Variants in PLEC observed in about 807,000 individuals in gnomAD.
The protein encoded by PLEC is plectin.
In PLEC, 216 loss-of-function variants were observed where a neutral mutation model predicts 392.8. The observed-to-expected ratio is 0.55, with a 90% CI of 0.49 to 0.62. The LOEUF (loss-of-function observed/expected upper bound fraction) is 0.62. Among genes scored for constraint, PLEC ranks in the 20% least tolerant of loss-of-function variants. The pLI is 0.00. For missense variants in PLEC, 6,863 were observed against 6,563.4 expected (o/e 1.05, Z -1.58); for synonymous variants, 3,621 against 2,980.6 (o/e 1.21, Z -7.00).
At position 143,973,508 on chromosome 8, in the gene PLEC, T is replaced by C. The variant is rs782359031; in HGVS notation, c.-36A>G. The C allele has an allele frequency of 1.5e-5, 20 of 1,366,572 alleles. No individual in the cohort carries two copies. Among genetic ancestry groups the C allele is most frequent in the Non-Finnish European group, 1.7e-5 (18 of 1,051,498 alleles). The allele number at this position is 1,366,572 out of a possible 1,614,324, so 84.7% of individuals were successfully genotyped here. ...GCGGGGCGCGGGGTGCAGCGGAGCC[T>C]CCAGCACCCGGCGGCCACTCTGTCC... On this transcript the variant is annotated 5_prime_UTR_variant, in exon 1 of 32. Transcript: ENST00000356346. This position sits in a 1 kb window ranked among gnomAD's most constrained non-coding sequence, Gnocchi z 5.6.
chr8:143,920,925 GCTC>G lies in PLEC; in HGVS notation c.8893_8895del (p.Glu2965del). 6.2e-7 allele frequency: 1 copy of G among 1,612,710 alleles called. No homozygotes were observed. Among genetic ancestry groups the G allele is most frequent in the Non-Finnish European group, 8.5e-7 (1 of 1,180,016 alleles). On this transcript the variant is annotated inframe_deletion, in exon 32 of 32. Coordinates refer to ENST00000345136, the MANE Select transcript of PLEC (RefSeq NM_201384.3). ...AAGCAAAGCCGGCCCTTCTGCTCCT[GCTC>G]CTCCACCACCGTGATGATGATCTTG...
At chr8:143,926,510 C>T (rs1274236328) in intron 30 of PLEC, among the ~76,000 whole-genome samples, 4 of 152,190 alleles carry the variant, frequency 2.6e-5, no homozygotes, top group South Asian at 2.1e-4. Flanking sequence ...GCCCACAGGA[C>T]GGCCGCTAGG....
rs1823635633 is a variant in PLEC, at chr8:143,923,408, G to A, written c.6521C>T (p.Ala2174Val). ...CGCCTTCTGCCGCAGCGTCTGCTCG[G>A]CGAATTTCTTATGCTTCTCCATCTC... is the stretch of plus-strand genomic sequence containing the variant. ...DAEMEKHKKFAEQTLRQKAQV... is the reference protein window; with the variant it reads ...DAEMEKHKKFVEQTLRQKAQV... Residue 2174 changes from alanine (A) to valine (V), a missense_variant, in exon 31 of 32, where the codon GCC becomes GTC. By Grantham distance (64) the Ala-to-Val change is moderately conservative. Coordinates refer to ENST00000345136, the MANE Select transcript of PLEC (RefSeq NM_201384.3). 4 of 1,610,628 alleles carry A rather than the reference G, an allele frequency of 2.5e-6. No individual in the cohort carries two copies. The highest frequency in any genetic ancestry group is 3.3e-5 in the Admixed American group (2 of 59,950).
Position 143,916,511 on chromosome 8 carries a change from C to T in PLEC, c.13310G>A (p.Cys4437Tyr), listed in dbSNP as rs11555241. The T allele has an allele frequency of 6.2e-7, 1 of 1,611,806 alleles. No individual in the cohort carries two copies. Among genetic ancestry groups the T allele is most frequent in the Non-Finnish European group, 8.5e-7 (1 of 1,179,446 alleles). ...GGAGATCTTGAGCTTGGTCTTAGGG[C>T]AGGTGAGGTACTTGGAGTAGGCGCC... The part of the protein sequence containing the change: ...DVGAYSKYLT[C>Y]PKTKLKISYK... The change falls in exon 32 of 32, where the codon TGC (cysteine) becomes TAC (tyrosine). Residue 4437 changes from cysteine to tyrosine, a missense_variant. Cys to Tyr is a radical substitution (Grantham distance 194, BLOSUM62 -2). Coordinates refer to ENST00000345136, the MANE Select transcript of PLEC (RefSeq NM_201384.3).
At chr8:143,946,636 G>T in intron 1 of PLEC, 1 of 302,830 alleles carries the variant, frequency 3.3e-6, no homozygotes, top group Non-Finnish European at 6.6e-6. Context: ...AGAGCCCTCC[G>T]GCCCCAGCCC....
Position 143,923,399 on chromosome 8 carries a change from G to A in PLEC, c.6530C>T (p.Thr2177Met), listed in dbSNP as rs1312954051. Residue 2177 changes from threonine (T) to methionine (M), a missense_variant, in exon 31 of 32, where the codon ACG becomes ATG. Physicochemically the swap from Thr to Met is moderately conservative, Grantham distance 81. Coordinates refer to ENST00000345136, the MANE Select transcript of PLEC (RefSeq NM_201384.3). ...MEKHKKFAEQTLRQKAQVEQE... is the reference protein window; with the variant it reads ...MEKHKKFAEQMLRQKAQVEQE... Reference sequence around the variant, plus strand: ...CTCCACCTGCGCCTTCTGCCGCAGCGTCTGCTCGGCGAATTTCTTATGCTT... The same window carrying A: ...CTCCACCTGCGCCTTCTGCCGCAGCATCTGCTCGGCGAATTTCTTATGCTT... The A allele has an allele frequency of 9.9e-6, 16 of 1,610,638 alleles. No individual in the cohort carries two copies. Among genetic ancestry groups the A allele is most frequent in the African/African-American group, 4.0e-5 (3 of 74,892 alleles).
rs782113028 is a variant in PLEC, at chr8:143,924,955, C to T, written c.4974G>A (p.Ala1658=). The change falls in exon 31 of 32, where the codon GCG becomes GCA. Residue 1658 remains alanine, a synonymous_variant. Transcript: ENST00000345136. ...CCTTCTGCTTCTCAGCCTCGGCCTG[C>T]GCCAGGCTCTTCTGCTGCGCCACCT... ...AEEVAQQKSL[A]QAEAEKQKEE... The T allele has an allele frequency of 3.5e-5, 55 of 1,580,480 alleles. No individual in the cohort carries two copies. The highest frequency in any genetic ancestry group is 2.2e-4 in the South Asian group (19 of 88,334).
intron 30 of PLEC, 76 bp from the exon 31 acceptor site, chr8:143,925,960 G>T: frequency 7.0e-7 from 1 of 1,436,266 alleles, no homozygotes; most frequent in Non-Finnish European, 9.5e-7. Flanking sequence ...GCACGCACCG[G>T]CACAGTTCAC....
chr8:143,938,106 C>A, intron 3 of PLEC, 45 bp downstream of exon 3: 1 of 1,432,438 alleles, frequency 7.0e-7, no homozygotes, highest in East Asian at 2.3e-5. Context: ...GCAGAGGTCT[C>A]CAGGTGGGGC....
At position 143,922,204 on chromosome 8, in the gene PLEC, C is replaced by T. The variant is rs1554688834; in HGVS notation, c.7617G>A (p.Gln2539=). Residue 2539 remains glutamine, a synonymous_variant, in exon 32 of 32, where the codon CAG becomes CAA. Transcript: ENST00000345136. ...QLREEQQRQQ[Q]QMEQERQRLV... Reference sequence around the variant, plus strand: ...GCCGCTGCCGTTCCTGCTCCATCTGCTGCTGCTGCCGCTGCTGCTCCTCAC... The same window carrying T: ...GCCGCTGCCGTTCCTGCTCCATCTGTTGCTGCTGCCGCTGCTGCTCCTCAC... The T allele has an allele frequency of 1.9e-6, 3 of 1,554,350 alleles. No homozygotes were observed. Among genetic ancestry groups the T allele is most frequent in the South Asian group, 1.2e-5 (1 of 86,524 alleles).
At position 143,918,417 on chromosome 8, in the gene PLEC, C is replaced by T. The variant is rs1554675228; in HGVS notation, c.11404G>A (p.Ala3802Thr). The T allele has an allele frequency of 4.5e-6, 7 of 1,572,902 alleles. No individual in the cohort carries two copies. Among genetic ancestry groups the T allele is most frequent in the South Asian group, 1.1e-5 (1 of 87,620 alleles). ...PTEEALRLLD[A>T]QLATGGIVDP... ...ACGATGCCGCCGGTGGCCAGCTGGGCATCCAGCAGCCGCAGGGCCTCCTCA... is the reference window on the plus strand; with the variant it reads ...ACGATGCCGCCGGTGGCCAGCTGGGTATCCAGCAGCCGCAGGGCCTCCTCA... The change falls in exon 32 of 32, where the codon GCC becomes ACC. Residue 3802 changes from alanine to threonine, a missense_variant. Ala to Thr is a moderately conservative substitution (Grantham distance 58). Transcript: ENST00000345136.
At position 143,918,470 on chromosome 8, in the gene PLEC, T is replaced by A. The variant is rs372123082; in HGVS notation, c.11351A>T (p.Gln3784Leu). The change falls in exon 32 of 32, where the codon CAG becomes CTG. Residue 3784 changes from glutamine to leucine, a missense_variant. By Grantham distance (113) the Gln-to-Leu change is moderately radical. Coordinates refer to ENST00000345136, the MANE Select transcript of PLEC (RefSeq NM_201384.3). ...PYTEQTISLF[Q>L]AMKKELIPTE... ...AGGGATCAGCTCCTTCTTCATGGCCTGGAAGAGCGAGATGGTCTGCTCGGT... is the reference window on the plus strand; with the variant it reads ...AGGGATCAGCTCCTTCTTCATGGCCAGGAAGAGCGAGATGGTCTGCTCGGT... 1.3e-4 allele frequency: 202 copies of A among 1,593,532 alleles called. No homozygotes were observed. The highest frequency in any genetic ancestry group is 1.2e-4 in the African/African-American group (9 of 74,508).
At chr8:143,936,154 C>T (rs1245070975) in intron 5 of PLEC, 140 bp from the exon 6 acceptor site, 7 of 920,224 alleles carry the variant, frequency 7.6e-6, no homozygotes, top group Non-Finnish European at 1.2e-5. Context: ...AGGGCAGCAC[C>T]GGGCTCCAGG....
intron 3 of PLEC, chr8:143,937,898 G>T (rs1051095672): frequency 1.6e-6 from 1 of 640,008 alleles, no homozygotes; most frequent in Non-Finnish European, 2.9e-6. Context: ...CGACGCGGAG[G>T]GCGGCAAGGC....
At chr8:143,936,384 G>A (rs1456691136) in intron 5 of PLEC, among the ~76,000 whole-genome samples, 2 of 152,216 alleles carry the variant, frequency 1.3e-5, no homozygotes, top group African/African-American at 2.4e-5. Context: ...GGCATAAGAG[G>A]AACCCACAAG....
intron 11 of PLEC, 101 bp from the exon 12 acceptor site, chr8:143,934,192 C>A: frequency 6.3e-7 from 1 of 1,586,876 alleles, no homozygotes. Flanking sequence ...CTGGCTGTGG[C>A]CCACTGTCCT....
At position 143,935,065 on chromosome 8, in the gene PLEC, C is replaced by T. The variant is rs1318143649; in HGVS notation, c.771G>A (p.Ser257=). ...GCACGCGGGGCATGGCGTCATACAG[C>T]GACGAGACGTAGGTGATGATGGACT... ...DEKSIITYVS[S]LYDAMPRVPD... is the part of the protein sequence containing the mutation. Residue 257 remains serine (S), a synonymous_variant, in exon 8 of 32, where the codon TCG becomes TCA. Coordinates refer to ENST00000345136, the MANE Select transcript of PLEC (RefSeq NM_201384.3). The T allele has an allele frequency of 3.1e-6, 5 of 1,612,736 alleles. No homozygotes were observed. Among genetic ancestry groups the T allele is most frequent in the Non-Finnish European group, 2.5e-6 (3 of 1,179,958 alleles).
At position 143,916,477 on chromosome 8, in the gene PLEC, G is replaced by A. The variant is rs192224737; in HGVS notation, c.13344C>T (p.Asp4448=). The change falls in exon 32 of 32, where the codon GAC becomes GAT. Residue 4448 remains aspartate, a synonymous_variant. Transcript: ENST00000345136. ...PKTKLKISYK[D]ALDRSMVEEG... The stretch of plus-strand genomic sequence containing the variant: ...CCTCCACCATGCTGCGGTCCAGCGC[G>A]TCCTTATAGGAGATCTTGAGCTTGG... The A allele has an allele frequency of 2.4e-4, 389 of 1,611,494 alleles. 1 individual carries two copies. In the East Asian group the frequency reaches 5.3e-3, roughly 22 times the overall value.
chr8:143,923,448 G>C lies in PLEC; in HGVS notation c.6481C>G (p.Gln2161Glu). ...TTCTCCATCTCCGCGTCAGCTGCCTGCTTCTGCCGCAGGGCCGCCTGCTCC... is the reference window on the plus strand; with the variant it reads ...TTCTCCATCTCCGCGTCAGCTGCCTCCTTCTGCCGCAGGGCCGCCTGCTCC... The part of the protein sequence containing the change: ...QAEQAALRQK[Q>E]AADAEMEKHK... Residue 2161 changes from glutamine to glutamate, a missense_variant, in exon 31 of 32, where the codon CAG (glutamine) becomes GAG (glutamate). Gln to Glu is a conservative substitution (Grantham distance 29, BLOSUM62 2). Transcript: ENST00000345136. 1 of 1,608,640 alleles carries C rather than the reference G, an allele frequency of 6.2e-7. No individual in the cohort carries two copies.
Sources: allele counts gnomAD v4.1 joint callset (sites outside exome capture counted in the v4.1 genomes callset), GRCh38; gene constraint gnomAD v4.1.1; non-coding constraint Gnocchi (gnomAD v3.1); transcripts MANE v1.5; gene names NCBI Gene and HGNC (gene_info 2026-07-23, HGNC 2026-07-21).